The following RCSD1 variants were observed in gnomAD, a reference collection of about 807,000 sequenced individuals.
The protein encoded by RCSD1 is capZ-interacting protein.
Under a neutral mutation model 42.5 loss-of-function variants are expected in RCSD1, and 26 were observed. The ratio of observed to expected loss-of-function variants is 0.61; its 90% CI spans 0.45 to 0.85. The LOEUF (loss-of-function observed/expected upper bound fraction) is 0.85. Among genes scored for constraint, RCSD1 ranks in the 40% least tolerant of loss-of-function variants. The pLI, the probability that RCSD1 is intolerant of heterozygous loss-of-function variation, is 0.00. For synonymous variants in RCSD1, 220 were observed against 212.2 expected (o/e 1.04, Z -0.32); for missense variants, 571 against 528.3 (o/e 1.08, Z -0.79).
chr1:167,675,914 T>C (rs1246243232), intron 1 of RCSD1, among the ~76,000 whole-genome samples: 2 of 151,970 alleles, frequency 1.3e-5, no homozygotes, highest in Admixed American at 6.6e-5. Context: ...CAAGATGGGA[T>C]GGAAGGACAG....
chr1:167,694,936 T>C (rs1659461194), intron 5 of RCSD1, among the ~76,000 whole-genome samples: 1 of 152,104 alleles, frequency 6.6e-6, no homozygotes, highest in Non-Finnish European at 1.5e-5. Context: ...GCCAAGCAGG[T>C]AGCCAACAAA....
intron 1 of RCSD1, among the ~76,000 whole-genome samples, chr1:167,652,373 G>T (rs1432555026): frequency 6.6e-6 from 1 of 152,084 alleles, no homozygotes; most frequent in African/African-American, 2.4e-5. Flanking sequence ...TTAGCATCTA[G>T]CCTGGAGAGG....
chr1:167,641,342 A>G (rs897476483), intron 1 of RCSD1: 6 of 152,234 alleles, frequency 3.9e-5, no homozygotes, highest in Non-Finnish European at 8.8e-5. Context: ...ATAAAATCCT[A>G]TTCTTAAATA....
rs752413043 is a variant in RCSD1 at position 167,685,487 on chromosome 1, G to C, written c.175G>C (p.Asp59His). ...CCTCCCCCTGTTCCCCCCCAAGGTAGACCTGGGCCAGAATGGTGAGGAGGT... is the reference window on the plus strand; with the variant it reads ...CCTCCCCCTGTTCCCCCCCAAGGTACACCTGGGCCAGAATGGTGAGGAGGT... Reference protein sequence around the residue: ...CSLPLFPPKVDLGQNGEEKSP... With the variant: ...CSLPLFPPKVHLGQNGEEKSP... The change falls in exon 3 of 7, where the codon GAC becomes CAC. Residue 59 changes from aspartate (D) to histidine (H), a missense_variant. By Grantham distance (81) the Asp-to-His change is moderately conservative. Coordinates refer to ENST00000367854, the MANE Select transcript of RCSD1 (RefSeq NM_052862.4). 1.1e-5 allele frequency: 18 copies of C among 1,613,914 alleles called. No individual in the cohort carries two copies. The South Asian group carries it at 2.0e-4, about 18-fold the overall frequency.
chr1:167,682,378 A>T lies in RCSD1; in HGVS notation c.7-1522A>T, dbSNP rs146649591. ...GAGATGGGGTTTCACCACGTTGGCT[A>T]GACTGGTCTCGAACTTCTGACCTCA... On this transcript the variant is annotated intron_variant, in intron 1 of 6. Coordinates refer to ENST00000367854, the MANE Select transcript of RCSD1 (RefSeq NM_052862.4). Among the ~76,000 whole-genome samples the T allele has an allele frequency of 7.6e-3, 1,152 of 152,280 alleles. 16 individuals are homozygous for T. Among genetic ancestry groups the T allele is most frequent in the African/African-American group, 0.026 (1,082 of 41,552 alleles).
At position 167,697,520 on chromosome 1, in the gene RCSD1, C is replaced by G; in HGVS notation, c.896C>G (p.Pro299Arg). The G allele has an allele frequency of 6.2e-7, 1 of 1,606,006 alleles. No individual in the cohort carries two copies. The highest frequency in any genetic ancestry group is 8.5e-7 in the Non-Finnish European group (1 of 1,176,468). Residue 299 changes from proline to arginine, a missense_variant, in exon 6 of 7, where the codon CCC becomes CGC. Physicochemically the swap from Pro to Arg is moderately radical, Grantham distance 103. Transcript: ENST00000367854. ...GAGGCAGAAAATAGGTGTGGGAGCC[C>G]CAGGGAGGAAAAGCCAGCTGGAGAG... The part of the protein sequence containing the change: ...GPEAENRCGS[P>R]REEKPAGEEA...
intron 1 of RCSD1, among the ~76,000 whole-genome samples, chr1:167,651,742 G>C (rs1369828134): frequency 6.6e-6 from 1 of 152,174 alleles, no homozygotes; most frequent in Admixed American, 6.5e-5. Flanking sequence ...TGGGGTGCTA[G>C]GTCTTCCCAG....
chr1:167,674,900 T>C (rs1658901427), intron 1 of RCSD1, among the ~76,000 whole-genome samples: 1 of 152,180 alleles, frequency 6.6e-6, no homozygotes, highest in Non-Finnish European at 1.5e-5. Flanking sequence ...TAGTCTGTTC[T>C]CATGCTGCTA....
At chr1:167,647,471 A>G (rs1243846015) in intron 1 of RCSD1, among the ~76,000 whole-genome samples, 1 of 152,048 alleles carries the variant, frequency 6.6e-6, no homozygotes, top group African/African-American at 2.4e-5. Flanking sequence ...CTGTAGTCCC[A>G]GTTATTCAGG....
chr1:167,645,512 T>G (rs2102201966), intron 1 of RCSD1, among the ~76,000 whole-genome samples: 1 of 152,276 alleles, frequency 6.6e-6, no homozygotes, highest in East Asian at 1.9e-4. Flanking sequence ...GCTGGGGAAT[T>G]TCACAGAGAA....
At chr1:167,670,740 C>G (rs765065957) in intron 1 of RCSD1, among the ~76,000 whole-genome samples, 8 of 152,186 alleles carry the variant, frequency 5.3e-5, no homozygotes, top group Non-Finnish European at 1.2e-4. Flanking sequence ...GGCTCCCCCT[C>G]TCTGTAAATG....
chr1:167,639,993 G>C (rs1406865906), intron 1 of RCSD1, among the ~76,000 whole-genome samples: 1 of 152,200 alleles, frequency 6.6e-6, no homozygotes, highest in African/African-American at 2.4e-5. Context: ...TTTAAGTACT[G>C]GAGAGGAGAA....
chr1:167,657,975 T>G (rs564570530), intron 1 of RCSD1, among the ~76,000 whole-genome samples: 1 of 152,204 alleles, frequency 6.6e-6, no homozygotes, highest in African/African-American at 2.4e-5. Flanking sequence ...TCACCCAGGC[T>G]GGAGTGCAGT....
chr1:167,672,676 AG>A (rs879650448), intron 1 of RCSD1, among the ~76,000 whole-genome samples: 67 of 152,320 alleles, frequency 4.4e-4, no homozygotes, highest in East Asian at 3.5e-3. Context: ...TAATCCAGTC[AG>A]CTGACTGGCA....
intron 5 of RCSD1, among the ~76,000 whole-genome samples, chr1:167,695,622 C>A (rs1380021037): frequency 6.6e-6 from 1 of 151,648 alleles, no homozygotes; most frequent in Non-Finnish European, 1.5e-5. Flanking sequence ...CATCGCAACC[C>A]CCACCTCCTG....
At chr1:167,637,159 C>A (rs1657881366) in intron 1 of RCSD1, among the ~76,000 whole-genome samples, 1 of 152,176 alleles carries the variant, frequency 6.6e-6, no homozygotes. Flanking sequence ...TAACCAAGGG[C>A]AGAAAATTGG....
intron 6 of RCSD1, among the ~76,000 whole-genome samples, chr1:167,698,257 C>T (rs1160271412): frequency 1.3e-5 from 2 of 152,220 alleles, no homozygotes; most frequent in Non-Finnish European, 2.9e-5. Context: ...CAGTTTAGCA[C>T]ATGAGACCAG....
chr1:167,677,907 CTTTG>C (rs1173901813), intron 1 of RCSD1, among the ~76,000 whole-genome samples: 1 of 152,134 alleles, frequency 6.6e-6, no homozygotes, highest in Non-Finnish European at 1.5e-5. Flanking sequence ...GCTTTTTAAT[CTTTG>C]TTTATCTTAT....
chr1:167,660,470 G>GTTTTTTTTTTTTTTTTTTTTTTTTTT (rs370176232), intron 1 of RCSD1, among the ~76,000 whole-genome samples: 1 of 140,956 alleles, frequency 7.1e-6, no homozygotes, highest in Admixed American at 7.0e-5. Context: ...TTAATTCACT[G>GTTTTTTTTTTTTTTTTTTTTTTTTTT]TTTTGTTTTT....
Sources: gnomAD v4.1 joint callset for allele counts (sites outside exome capture counted in the v4.1 genomes callset) on GRCh38, gnomAD v4.1.1 for gene constraint, MANE v1.5 for transcripts, NCBI Gene and HGNC (gene_info 2026-07-23, HGNC 2026-07-21) for gene names.